The following RERE variants were observed in gnomAD, a reference collection of about 807,000 sequenced individuals.
The protein encoded by RERE is arginine-glutamic acid dipeptide repeats protein.
RERE carries 40 observed loss-of-function variants against 146.1 expected under a neutral mutation model. That is an observed-to-expected ratio of 0.27 (90% CI 0.21 to 0.36). The LOEUF (loss-of-function observed/expected upper bound fraction) is 0.36. Among genes scored for constraint, RERE ranks in the 10% least tolerant of loss-of-function variants. The pLI is 1.00. For synonymous variants in RERE, 1,003 were observed against 866.0 expected (o/e 1.16, Z -2.78); for missense variants, 1,933 against 2,138.7 (o/e 0.90, Z 1.90).
At chr1:8,802,950 G>A (rs1471187167) in intron 1 of RERE, among the ~76,000 whole-genome samples, 1 of 152,138 alleles carries the variant, frequency 6.6e-6, no homozygotes, top group Non-Finnish European at 1.5e-5. Flanking sequence ...CAGGGCCCTG[G>A]TATGCCTCCT....
At chr1:8,396,745 C>CA (rs1185149480) in intron 12 of RERE, among the ~76,000 whole-genome samples, 12 of 152,150 alleles carry the variant, frequency 7.9e-5, no homozygotes, top group African/African-American at 2.4e-4. Context: ...ACAATGCGTG[C>CA]AGCCCTCAGA....
At chr1:8,521,628 T>A (rs1047813078) in intron 7 of RERE, among the ~76,000 whole-genome samples, 2 of 152,214 alleles carry the variant, frequency 1.3e-5, no homozygotes, top group Non-Finnish European at 2.9e-5. Flanking sequence ...TTTCATCTAA[T>A]CTTTACAAAA....
At chr1:8,794,637 C>T (rs1021093606) in intron 1 of RERE, among the ~76,000 whole-genome samples, 1 of 152,040 alleles carries the variant, frequency 6.6e-6, no homozygotes, top group Non-Finnish European at 1.5e-5. Context: ...TGGCTCATGC[C>T]TGTAATCCCT....
chr1:8,725,430 G>A (rs1489403086), intron 1 of RERE, among the ~76,000 whole-genome samples: 2 of 152,128 alleles, frequency 1.3e-5, no homozygotes, highest in African/African-American at 2.4e-5. Flanking sequence ...TCCGGGCATG[G>A]TGGTGGGCGC....
intron 1 of RERE, among the ~76,000 whole-genome samples, chr1:8,730,263 A>G (rs564987441): frequency 1.3e-5 from 2 of 152,324 alleles, no homozygotes; most frequent in African/African-American, 4.8e-5. Context: ...TAGTCAAGAG[A>G]CCCAGGTTCT....
At chr1:8,814,708 T>A (rs1472415983) in intron 1 of RERE, among the ~76,000 whole-genome samples, 4 of 152,212 alleles carry the variant, frequency 2.6e-5, no homozygotes, top group African/African-American at 9.6e-5. Context: ...TTAATGATAC[T>A]AAAAACTTTT....
intron 4 of RERE, among the ~76,000 whole-genome samples, chr1:8,562,180 T>C (rs192588506): frequency 3.3e-5 from 5 of 152,292 alleles, no homozygotes; most frequent in Admixed American, 6.5e-5. Context: ...CTTAAAGTTT[T>C]TGCTTTTCTA....
rs145964189 is a variant in RERE, at chr1:8,605,464, C to T, written c.522+9097G>A. 1.9e-3 allele frequency among the ~76,000 whole-genome samples: 295 copies of T among 151,626 alleles called. 1 individual carries two copies. Among genetic ancestry groups the T allele is most frequent in the African/African-American group, 6.7e-3 (277 of 41,406 alleles). On this transcript the variant is annotated intron_variant, in intron 4 of 22. Coordinates refer to ENST00000400908, the MANE Select transcript of RERE (RefSeq NM_001042681.2). ...CTTACTTTAAGAGGTAACTAAAGGA[C>T]GGGTGCGGTGGCTCACCCCTGTAAT...
intron 10 of RERE, among the ~76,000 whole-genome samples, chr1:8,476,220 AC>A (rs1424174345): frequency 6.6e-6 from 1 of 152,194 alleles, no homozygotes; most frequent in East Asian, 1.9e-4. Flanking sequence ...CAGCCAGAGT[AC>A]TAAAAATGAG....
intron 4 of RERE, among the ~76,000 whole-genome samples, chr1:8,599,443 C>G (rs1334645458): frequency 6.6e-6 from 1 of 152,064 alleles, no homozygotes; most frequent in Non-Finnish European, 1.5e-5. Flanking sequence ...AACTGTTAAA[C>G]ACAGAGAATA....
chr1:8,722,583 A>G (rs1639884808), intron 1 of RERE, among the ~76,000 whole-genome samples: 1 of 152,202 alleles, frequency 6.6e-6, no homozygotes, highest in Non-Finnish European at 1.5e-5. Flanking sequence ...TCAACCAACC[A>G]CGGACTGAAA....
At chr1:8,409,747 G>A (rs1490924461) in intron 12 of RERE, among the ~76,000 whole-genome samples, 1 of 152,172 alleles carries the variant, frequency 6.6e-6, no homozygotes, top group East Asian at 1.9e-4. Context: ...GTAGGAATGG[G>A]TTGAGAAATT....
chr1:8,715,898 G>A (rs1190455082), intron 1 of RERE, among the ~76,000 whole-genome samples: 2 of 147,172 alleles, frequency 1.4e-5, no homozygotes, highest in African/African-American at 4.9e-5. Flanking sequence ...GCAAGACCCT[G>A]TCTGGGGCGG....
chr1:8,814,476 TTATC>T (rs1373072253), intron 1 of RERE, among the ~76,000 whole-genome samples: 1 of 152,228 alleles, frequency 6.6e-6, no homozygotes, highest in Admixed American at 6.6e-5. Context: ...TTTAAATTCT[TTATC>T]TAATCCATAC....
chr1:8,606,682 C>T (rs1646714194), intron 4 of RERE, among the ~76,000 whole-genome samples: 2 of 152,276 alleles, frequency 1.3e-5, no homozygotes, highest in African/African-American at 4.8e-5. Flanking sequence ...AGGACACACA[C>T]TTCTGTCCTT....
rs181964423 is a variant in RERE, at chr1:8,404,135, T to A, written c.1284+18592A>T. 6.6e-3 allele frequency among the ~76,000 whole-genome samples: 1,003 copies of A among 151,906 alleles called. 16 individuals carry two copies. The highest frequency in any genetic ancestry group is 0.021 in the African/African-American group (883 of 41,472). On this transcript the variant is annotated intron_variant, in intron 12 of 22. Coordinates refer to ENST00000400908, the MANE Select transcript of RERE (RefSeq NM_001042681.2). ...TGAGCCGCTGCACCCAGCTTTTTTT[T>A]AAAAAAAATAGAGGCCGGGTGCGGT...
At chr1:8,806,587 C>T (rs1641697974) in intron 1 of RERE, among the ~76,000 whole-genome samples, 1 of 152,068 alleles carries the variant, frequency 6.6e-6, no homozygotes, top group South Asian at 2.1e-4. Context: ...CCAAATCTCC[C>T]TTATCTCTAC....
At chr1:8,508,603 G>C (rs778818707) in intron 8 of RERE, 24 bp downstream of exon 8, 1 of 1,576,190 alleles carries the variant, frequency 6.3e-7, no homozygotes, top group Non-Finnish European at 8.7e-7. Flanking sequence ...AACCTATTAA[G>C]GAAGCTATGA....
chr1:8,743,325 C>A (rs1640350254), intron 1 of RERE, among the ~76,000 whole-genome samples: 1 of 152,070 alleles, frequency 6.6e-6, no homozygotes, highest in Admixed American at 6.5e-5. Flanking sequence ...GTCATCCAGG[C>A]TGGAATGCAG....
Sources: gnomAD v4.1 joint callset for allele counts (sites outside exome capture counted in the v4.1 genomes callset) on GRCh38, gnomAD v4.1.1 for gene constraint, MANE v1.5 for transcripts, NCBI Gene and HGNC (gene_info 2026-07-23, HGNC 2026-07-21) for gene names.